The following OLFML2B variants were observed in gnomAD, a reference collection of about 807,000 sequenced individuals.
OLFML2B encodes olfactomedin like 2B, also known as olfactomedin-like protein 2B.
OLFML2B carries 57 observed loss-of-function variants against 74.9 expected under a neutral mutation model. The observed-to-expected ratio is 0.76, with a 90% CI of 0.61 to 0.95. The LOEUF (loss-of-function observed/expected upper bound fraction) is 0.95, where lower values mean the gene tolerates loss of function less well. Ranked by LOEUF, OLFML2B falls within the 40% of genes least tolerant of loss-of-function variation. The pLI, the probability that OLFML2B is intolerant of heterozygous loss-of-function variation, is 0.00. For synonymous variants in OLFML2B, 388 were observed against 405.8 expected (o/e 0.96, Z 0.53); for missense variants, 986 against 970.6 (o/e 1.02, Z -0.21).
chr1:162,013,014 G>A (rs1690436987), intron 3 of OLFML2B, among the ~76,000 whole-genome samples: 1 of 152,148 alleles, frequency 6.6e-6, no homozygotes, highest in Admixed American at 6.5e-5. Flanking sequence ...TCCACCTTTA[G>A]GCCTGGCAGC....
chr1:161,992,235 A>G (rs1346048175), intron 6 of OLFML2B, among the ~76,000 whole-genome samples: 1 of 152,208 alleles, frequency 6.6e-6, no homozygotes, highest in African/African-American at 2.4e-5. Context: ...TTAGCTTCAG[A>G]CTTTTTTCTG....
Position 161,991,129 on chromosome 1 carries a change from T to A in OLFML2B, c.1475-6149A>T, listed in dbSNP as rs1689730813. Among the ~76,000 whole-genome samples, 4 of 152,190 alleles carry A rather than the reference T, an allele frequency of 2.6e-5. No homozygotes were observed. In the South Asian group the frequency reaches 8.3e-4, roughly 31 times the overall value. On this transcript the variant is annotated intron_variant, in intron 6 of 7. Transcript: ENST00000294794. ...TCCATGAGGGTTGGAATCAACTTAT[T>A]CCAAACTCCTGTTAATGTTGATATT... is the stretch of plus-strand genomic sequence containing the variant.
In OLFML2B at chr1:161,998,196, G is replaced by A; in HGVS notation, c.1103C>T (p.Thr368Ile). ...TAVTSDLNAR[T>I]APWSSALPQP... ...TGGCAGTGCTGAGGACCAGGGTGCG[G>A]TCCGAGCGTTCAGGTCGCTTGTCAC... Residue 368 changes from threonine (T) to isoleucine (I), a missense_variant, in exon 6 of 8, where the codon ACC becomes ATC. Physicochemically the swap from Thr to Ile is moderately conservative, Grantham distance 89. Transcript: ENST00000294794. The A allele has an allele frequency of 1.9e-6, 3 of 1,614,078 alleles. No individual in the cohort carries two copies. Among genetic ancestry groups the A allele is most frequent in the Non-Finnish European group, 2.5e-6 (3 of 1,180,026 alleles).
chr1:162,001,303 G>T (rs768223307), intron 4 of OLFML2B, among the ~76,000 whole-genome samples: 15 of 152,302 alleles, frequency 9.8e-5, no homozygotes, highest in African/African-American at 3.6e-4. Context: ...GGTTTTACGG[G>T]AGTGGGCATG....
At chr1:161,990,382 G>A (rs1689702216) in intron 6 of OLFML2B, among the ~76,000 whole-genome samples, 1 of 152,138 alleles carries the variant, frequency 6.6e-6, no homozygotes, top group African/African-American at 2.4e-5. Context: ...TGTGGATTTG[G>A]TTCCAGACCA....
chr1:162,017,358 G>C (rs369495381), intron 3 of OLFML2B, 42 bp downstream of exon 3: 1 of 1,478,838 alleles, frequency 6.8e-7, no homozygotes, highest in South Asian at 1.1e-5. Context: ...ATGCTTTTGG[G>C]CTCAATCAAG....
chr1:161,992,536 G>A (rs947017207), intron 6 of OLFML2B, among the ~76,000 whole-genome samples: 10 of 152,186 alleles, frequency 6.6e-5, no homozygotes, highest in East Asian at 1.9e-4. Flanking sequence ...TGCCATCCTC[G>A]CTCAGCTCTG....
At chr1:162,020,271 T>C in intron 1 of OLFML2B, 89 bp from the exon 2 acceptor site, 1 of 1,478,490 alleles carries the variant, frequency 6.8e-7, no homozygotes, top group Non-Finnish European at 9.2e-7. Flanking sequence ...TAGTCAAATG[T>C]CCTGCACTAG....
chr1:161,994,544 T>C (rs868706334), intron 6 of OLFML2B, among the ~76,000 whole-genome samples: 4 of 152,228 alleles, frequency 2.6e-5, no homozygotes, highest in Non-Finnish European at 4.4e-5. Context: ...GGAATTGTAG[T>C]TGCTAAAGTC....
chr1:161,988,704 T>C (rs921936261), intron 6 of OLFML2B, among the ~76,000 whole-genome samples: 4 of 152,000 alleles, frequency 2.6e-5, no homozygotes, highest in Admixed American at 2.0e-4. Context: ...TGCCACCCTC[T>C]GGAGTTCCAC....
intron 4 of OLFML2B, among the ~76,000 whole-genome samples, chr1:162,000,769 C>G (rs534124983): frequency 6.6e-6 from 1 of 152,224 alleles, no homozygotes; most frequent in East Asian, 1.9e-4. Flanking sequence ...GGGTGAGATC[C>G]ATGTGAGGGG....
intron 6 of OLFML2B, among the ~76,000 whole-genome samples, chr1:161,985,837 C>T (rs956649705): frequency 7.9e-5 from 12 of 152,214 alleles, no homozygotes; most frequent in Non-Finnish European, 1.5e-4. Context: ...GAGATCAAGT[C>T]GGCCACGATG....
At chr1:162,005,917 A>G (rs1690215265) in intron 4 of OLFML2B, among the ~76,000 whole-genome samples, 1 of 151,418 alleles carries the variant, frequency 6.6e-6, no homozygotes, top group Non-Finnish European at 1.5e-5. Flanking sequence ...AAAAAAAAAA[A>G]AAAAAAAAAA....
At chr1:162,012,264 G>A (rs896045463) in intron 3 of OLFML2B, among the ~76,000 whole-genome samples, 1 of 152,154 alleles carries the variant, frequency 6.6e-6, no homozygotes, top group Non-Finnish European at 1.5e-5. Context: ...GAAAGGTAGG[G>A]CTTGGAAAGA....
At position 162,020,012 on chromosome 1, in the gene OLFML2B, C is replaced by T; in HGVS notation, c.345G>A (p.Lys115=). The change falls in exon 2 of 8, where the codon AAG becomes AAA. Residue 115 remains lysine (K), a synonymous_variant. Coordinates refer to ENST00000294794, the MANE Select transcript of OLFML2B (RefSeq NM_015441.3). The stretch of plus-strand genomic sequence containing the variant: ...CCGATGGGGGTGCTACACAGGCACA[C>T]TTGCACGACGAGCCTGAGGTGATGG... ...VETITSGSSC[K]CACVAPPSAL... The T allele has an allele frequency of 6.2e-7, 1 of 1,614,220 alleles. No homozygotes were observed. The highest frequency in any genetic ancestry group is 8.5e-7 in the Non-Finnish European group (1 of 1,180,036).
At chr1:161,985,081 G>T in intron 6 of OLFML2B, 101 bp from the exon 7 acceptor site, 1 of 1,232,540 alleles carries the variant, frequency 8.1e-7, no homozygotes, top group Non-Finnish European at 1.1e-6. Flanking sequence ...CTCCTCGGCA[G>T]GCTTTAACAG....
At chr1:162,003,680 C>T (rs1369068208) in intron 4 of OLFML2B, among the ~76,000 whole-genome samples, 2 of 152,210 alleles carry the variant, frequency 1.3e-5, no homozygotes, top group Non-Finnish European at 2.9e-5. Flanking sequence ...ACTCCCAACC[C>T]AGCCCCCAGA....
intron 3 of OLFML2B, among the ~76,000 whole-genome samples, chr1:162,007,262 A>G (rs1036149128): frequency 1.3e-5 from 2 of 152,192 alleles, no homozygotes; most frequent in African/African-American, 4.8e-5. Context: ...GATGGCAACT[A>G]TAACTGGAGA....
At position 162,020,763 on chromosome 1, in the gene OLFML2B, C is replaced by T. The variant is rs146161546; in HGVS notation, c.175-581G>A. On this transcript the variant is annotated intron_variant, in intron 1 of 7. Coordinates refer to ENST00000294794, the MANE Select transcript of OLFML2B (RefSeq NM_015441.3). The stretch of plus-strand genomic sequence containing the variant: ...CTCCTGACCCTAAGTGATCCACCTG[C>T]CCCGGCCTCCCAAAGTGCTGGGATT... Among the ~76,000 whole-genome samples the T allele has an allele frequency of 4.2e-3, 646 of 152,276 alleles. 12 individuals carry two copies. Among genetic ancestry groups the T allele is most frequent in the African/African-American group, 0.015 (620 of 41,560 alleles).
Sources: allele counts gnomAD v4.1 joint callset (sites outside exome capture counted in the v4.1 genomes callset), GRCh38; gene constraint gnomAD v4.1.1; transcripts MANE v1.5; gene names NCBI Gene and HGNC (gene_info 2026-07-23, HGNC 2026-07-21).